Variants in SHANK2 observed in about 807,000 individuals in gnomAD.
SHANK2 encodes the protein SH3 and multiple ankyrin repeat domains protein 2.
Under a neutral mutation model 133.7 loss-of-function variants are expected in SHANK2, and 43 were observed. The ratio of observed to expected loss-of-function variants is 0.32; its 90% CI spans 0.25 to 0.41. The LOEUF is 0.41. SHANK2 is among the 10% of genes least tolerant of loss of function. SHANK2 has a pLI of 1.00. For synonymous variants in SHANK2, 1,017 were observed against 952.8 expected (o/e 1.07, Z -1.24); for missense variants, 1,994 against 2,235.8 (o/e 0.89, Z 2.18).
chr11:70,713,712 G>C (rs1433380928), intron 14 of SHANK2, among the ~76,000 whole-genome samples: 1 of 152,198 alleles, frequency 6.6e-6, no homozygotes, highest in Admixed American at 6.5e-5. Flanking sequence ...TCACAGCGCC[G>C]GGTGTCCATT....
At chr11:70,678,973 C>G (rs1019223718) in intron 15 of SHANK2, among the ~76,000 whole-genome samples, 1 of 152,232 alleles carries the variant, frequency 6.6e-6, no homozygotes, top group Non-Finnish European at 1.5e-5. Flanking sequence ...CTCCAACACA[C>G]TCACTCTCCT....
At chr11:70,769,648 TGTAC>T (rs1947204019) in intron 14 of SHANK2, among the ~76,000 whole-genome samples, 1 of 152,186 alleles carries the variant, frequency 6.6e-6, no homozygotes, top group Non-Finnish European at 1.5e-5. Flanking sequence ...AATGTGAGGG[TGTAC>T]GTGTGCTGAG....
At chr11:71,102,698 C>T (rs1415539047) in intron 6 of SHANK2, among the ~76,000 whole-genome samples, 3 of 152,218 alleles carry the variant, frequency 2.0e-5, no homozygotes, top group Non-Finnish European at 4.4e-5. Flanking sequence ...GGGTCATCCA[C>T]GTCCAGCCAG....
chr11:71,076,820 C>T (rs963392323), intron 8 of SHANK2, among the ~76,000 whole-genome samples: 16 of 152,318 alleles, frequency 1.1e-4, no homozygotes, highest in South Asian at 4.1e-4. Flanking sequence ...CAGTAAGGGA[C>T]GCCCAGCTGA....
chr11:70,602,639 T>C (rs1348954451), intron 17 of SHANK2, among the ~76,000 whole-genome samples: 1 of 152,246 alleles, frequency 6.6e-6, no homozygotes, highest in Non-Finnish European at 1.5e-5. Flanking sequence ...GCAACGCCTG[T>C]ATTTACTCTC....
At chr11:70,814,201 A>G (rs1565335238) in intron 12 of SHANK2, among the ~76,000 whole-genome samples, 1 of 152,162 alleles carries the variant, frequency 6.6e-6, no homozygotes, top group Admixed American at 6.5e-5. Flanking sequence ...GAGCATGCCT[A>G]TAAGCCCAGC....
At chr11:70,823,262 T>C (rs112888041) in intron 11 of SHANK2, among the ~76,000 whole-genome samples, 72 of 26,498 alleles carry the variant, frequency 2.7e-3, no homozygotes, top group East Asian at 6.6e-3. Flanking sequence ...GCTGGCAGAG[T>C]TCACGGGGGA....
rs145865041 is a variant in SHANK2 at position 70,849,086 on chromosome 11, G to A, written c.1175-28404C>T. 5.8e-3 allele frequency among the ~76,000 whole-genome samples: 878 copies of A among 152,130 alleles called. 7 individuals carry two copies. Among genetic ancestry groups the A allele is most frequent in the African/African-American group, 0.02 (823 of 41,506 alleles). On this transcript the variant is annotated intron_variant, in intron 11 of 25. Transcript: ENST00000601538. ...AGAAACGGCCTGGACCTCACACTCC[G>A]GAATGTTCAGACATAGGGGCACACA...
intron 17 of SHANK2, among the ~76,000 whole-genome samples, chr11:70,505,844 C>T (rs1272965408): frequency 6.6e-6 from 1 of 151,950 alleles, no homozygotes. Flanking sequence ...CTGACTGCAG[C>T]CTGCTAACCA....
At chr11:70,678,326 G>A (rs943791268) in intron 15 of SHANK2, among the ~76,000 whole-genome samples, 2 of 151,806 alleles carry the variant, frequency 1.3e-5, no homozygotes, top group African/African-American at 2.4e-5. Flanking sequence ...TAGAGATGGG[G>A]TCTCGCTTTG....
chr11:70,808,620 C>T (rs147990375), intron 12 of SHANK2, among the ~76,000 whole-genome samples: 26 of 149,658 alleles, frequency 1.7e-4, no homozygotes, highest in Non-Finnish European at 2.8e-4. Context: ...TTGTGGTTCT[C>T]GCTCCTTGGG....
chr11:70,615,540 C>T (rs561737060), intron 17 of SHANK2, among the ~76,000 whole-genome samples: 150 of 152,254 alleles, frequency 9.9e-4, no homozygotes, highest in African/African-American at 3.3e-3. Flanking sequence ...TTAGTGGCGG[C>T]GCAAGGGAGC....
At chr11:70,550,894 T>C (rs2059756936) in intron 17 of SHANK2, among the ~76,000 whole-genome samples, 1 of 152,150 alleles carries the variant, frequency 6.6e-6, no homozygotes, top group Non-Finnish European at 1.5e-5. Context: ...GAGGTGTGGA[T>C]GGATGGTTAT....
At chr11:70,727,839 A>G (rs1349652242) in intron 14 of SHANK2, among the ~76,000 whole-genome samples, 2 of 152,222 alleles carry the variant, frequency 1.3e-5, no homozygotes, top group African/African-American at 2.4e-5. Flanking sequence ...GATGGGGGCC[A>G]TGGGCTGTCC....
intron 17 of SHANK2, among the ~76,000 whole-genome samples, chr11:70,515,629 C>T (rs1005691115): frequency 2.0e-5 from 2 of 101,878 alleles, no homozygotes; most frequent in Non-Finnish European, 1.8e-5. Flanking sequence ...AGTGAGACCT[C>T]GTTCCTTGAA....
At position 71,110,136 on chromosome 11, in the gene SHANK2, A is replaced by G. The variant is rs1951870845; in HGVS notation, c.484-87T>C. ...AAGTGAGACCCCGTCTCTACAAAAA[A>G]TAGAAAAATTAGCCAGACATGGCTG... On this transcript the variant is annotated intron_variant, in intron 5 of 25. Transcript: ENST00000601538. 14 of 1,050,564 alleles carry G rather than the reference A, an allele frequency of 1.3e-5. No homozygotes were observed. The South Asian group carries it at 1.9e-4, about 14-fold the overall frequency. 65.1% of individuals were successfully genotyped at this position (1,050,564 alleles called of 1,614,324 possible).
At chr11:71,127,120 A>T (rs1952206923) in intron 3 of SHANK2, among the ~76,000 whole-genome samples, 1 of 152,198 alleles carries the variant, frequency 6.6e-6, no homozygotes, top group South Asian at 2.1e-4. Context: ...GGAGGAAGGA[A>T]CTGCAGATGT....
In SHANK2 at chr11:71,163,446, G is replaced by C. The variant is rs1323884076; in HGVS notation, c.-12-16108C>G. 2.6e-5 allele frequency among the ~76,000 whole-genome samples: 4 copies of C among 152,184 alleles called. No individual in the cohort carries two copies. In the East Asian group the frequency reaches 5.8e-4, roughly 22 times the overall value. ...GATCTCAGTGGGTGAGAACACGGCA[G>C]GCCGTGCTGCTGCAGGGAGGCAGAG... On this transcript the variant is annotated intron_variant, in intron 2 of 25. Coordinates refer to ENST00000601538, the MANE Select transcript of SHANK2 (RefSeq NM_012309.5).
intron 11 of SHANK2, among the ~76,000 whole-genome samples, chr11:70,846,841 T>A (rs1485922851): frequency 3.9e-5 from 6 of 152,108 alleles, no homozygotes; most frequent in African/African-American, 1.4e-4. Flanking sequence ...GACCACTGGG[T>A]GCTGTGAGCA....
Sources: gnomAD v4.1 joint callset for allele counts (sites outside exome capture counted in the v4.1 genomes callset) on GRCh38, gnomAD v4.1.1 for gene constraint, MANE v1.5 for transcripts, NCBI Gene and HGNC (gene_info 2026-07-23, HGNC 2026-07-21) for gene names.